STIM2: variants seen among roughly 807,000 people sequenced by gnomAD.
The protein encoded by STIM2 is stromal interaction molecule 2.
STIM2 carries 31 observed loss-of-function variants against 85.8 expected under a neutral mutation model. That is an observed-to-expected ratio of 0.36 (90% confidence interval 0.27 to 0.49). The LOEUF is 0.49. Among genes scored for constraint, STIM2 ranks in the 20% least tolerant of loss-of-function variants. STIM2 has a pLI of 0.98. For synonymous variants in STIM2, 356 were observed against 331.1 expected, an observed-to-expected ratio of 1.08 and a Z score of -0.82; for missense variants, 841 against 927.6, an observed-to-expected ratio of 0.91 and a Z score of 1.21.
chr4:26,905,088 A>G (rs1724075501), intron 1 of STIM2, among the ~76,000 whole-genome samples: 1 of 152,192 alleles, frequency 6.6e-6, no homozygotes, highest in African/African-American at 2.4e-5. Context: ...CTTCACTGTG[A>G]AAAAAGATAG....
At chr4:26,922,884 C>G (rs1216622764) in intron 2 of STIM2, among the ~76,000 whole-genome samples, 1 of 152,152 alleles carries the variant, frequency 6.6e-6, no homozygotes, top group African/African-American at 2.4e-5. Context: ...GTTTTAGGAT[C>G]TCTGTGCCTG....
At position 26,919,497 on chromosome 4, in the gene STIM2, C is replaced by T. The variant is rs545493515; in HGVS notation, c.152-7C>T. 5 of 1,612,982 alleles carry T rather than the reference C, an allele frequency of 3.1e-6. No homozygotes were observed. In the African/African-American group the frequency reaches 5.3e-5, roughly 17 times the overall value. On this transcript the variant is annotated splice_region_variant and splice_polypyrimidine_tract_variant and intron_variant, in intron 1 of 11. Transcript: ENST00000467087. ...CAAGTTAGTAATTGCCCTTTGTTCT[C>T]TTTCAGATCCCTGCATGTCACTGAG... is the stretch of plus-strand genomic sequence containing the variant.
At chr4:26,891,050 C>G (rs1723457662) in intron 1 of STIM2, among the ~76,000 whole-genome samples, 1 of 152,156 alleles carries the variant, frequency 6.6e-6, no homozygotes, top group African/African-American at 2.4e-5. Context: ...GTTGCAAAGC[C>G]TTTTCTTGTT....
chr4:27,003,558 G>C (rs901931703), intron 7 of STIM2, among the ~76,000 whole-genome samples: 2 of 151,992 alleles, frequency 1.3e-5, no homozygotes, highest in Non-Finnish European at 2.9e-5. Flanking sequence ...TGCTTCTCCT[G>C]TTCAGTTACT....
chr4:26,981,947 C>T (rs1220748679), intron 3 of STIM2, among the ~76,000 whole-genome samples: 2 of 147,808 alleles, frequency 1.4e-5, no homozygotes, highest in Non-Finnish European at 1.5e-5. Context: ...GTATTTACCC[C>T]ACACCGAACA....
At chr4:26,937,682 C>A (rs746650245) in intron 2 of STIM2, among the ~76,000 whole-genome samples, 1 of 152,166 alleles carries the variant, frequency 6.6e-6, no homozygotes, top group East Asian at 1.9e-4. Flanking sequence ...ATAATTACAT[C>A]CAGACAAAGG....
At position 26,979,210 on chromosome 4, in the gene STIM2, A is replaced by G. The variant is rs1215838800; in HGVS notation, c.398-16169A>G. Among the ~76,000 whole-genome samples the G allele has an allele frequency of 3.9e-5, 6 of 152,138 alleles. No individual in the cohort carries two copies. In the East Asian group the frequency reaches 1.2e-3, roughly 29 times the overall value. ...GTGAGTTTACCTAGAATCTCCAAAC[A>G]TGTCTGTATTGTTAAAGATGAAACA... On this transcript the variant is annotated intron_variant, in intron 3 of 11. Coordinates refer to ENST00000467087, the MANE Select transcript of STIM2 (RefSeq NM_020860.4).
intron 1 of STIM2, among the ~76,000 whole-genome samples, chr4:26,879,490 A>G (rs766413535): frequency 2.0e-5 from 3 of 152,080 alleles, no homozygotes; most frequent in African/African-American, 4.8e-5. Context: ...CTGGGTGGTG[A>G]GATATTATTA....
chr4:26,995,361 C>A lies in STIM2; in HGVS notation c.398-18C>A. ...GCAGGTGTGTTTAAAATATGCATTC[C>A]CCTTTTATCTCCTGCAGTTCATAAT... is the stretch of plus-strand genomic sequence containing the variant. On this transcript the variant is annotated intron_variant, in intron 3 of 11. Transcript: ENST00000467087. 2 of 1,407,518 alleles carry A rather than the reference C, an allele frequency of 1.4e-6. No individual in the cohort carries two copies. Among genetic ancestry groups the A allele is most frequent in the South Asian group, 1.4e-5 (1 of 73,676 alleles). 87.2% of individuals were successfully genotyped at this position (1,407,518 alleles called of 1,614,324 possible). A position where few individuals can be genotyped will look rare whatever the true frequency, so the allele number is the denominator to read the frequency against.
intron 2 of STIM2, among the ~76,000 whole-genome samples, chr4:26,948,481 G>T (rs1340976684): frequency 6.6e-6 from 1 of 152,176 alleles, no homozygotes; most frequent in Non-Finnish European, 1.5e-5. Context: ...CCTTGTATTT[G>T]ATCAGGCACA....
intron 1 of STIM2, among the ~76,000 whole-genome samples, chr4:26,904,944 G>T (rs1393707684): frequency 6.6e-6 from 1 of 152,098 alleles, no homozygotes; most frequent in Non-Finnish European, 1.5e-5. Flanking sequence ...ATTTATCTGT[G>T]TCAGTGGGCA....
intron 2 of STIM2, among the ~76,000 whole-genome samples, chr4:26,933,733 CAAAAAAAAAAAA>C (rs771503772): frequency 8.4e-5 from 4 of 47,762 alleles, no homozygotes; most frequent in East Asian, 6.3e-4. Flanking sequence ...GACCTGATCT[CAAAAAAAAAAAA>C]AAAAAAAAAA....
intron 2 of STIM2, among the ~76,000 whole-genome samples, chr4:26,920,888 ATTCTTC>A (rs1027675756): frequency 6.6e-6 from 1 of 152,140 alleles, no homozygotes; most frequent in East Asian, 1.9e-4. Flanking sequence ...CTATTTCTCG[ATTCTTC>A]TTCTTCTAAA....
At chr4:26,965,336 C>T (rs1424208706) in intron 3 of STIM2, among the ~76,000 whole-genome samples, 4 of 152,110 alleles carry the variant, frequency 2.6e-5, no homozygotes, top group Non-Finnish European at 5.9e-5. Flanking sequence ...GGGAGTTTAA[C>T]ATGGGTTTGC....
chr4:26,964,713 A>G (rs1015481613), intron 3 of STIM2, among the ~76,000 whole-genome samples: 1 of 152,166 alleles, frequency 6.6e-6, no homozygotes, highest in African/African-American at 2.4e-5. Context: ...TAGGTACAAA[A>G]GATACACAGA....
At chr4:27,020,217 A>G (rs1175611492) in intron 11 of STIM2, among the ~76,000 whole-genome samples, 1 of 152,244 alleles carries the variant, frequency 6.6e-6, no homozygotes, top group African/African-American at 2.4e-5. Context: ...TTCACACACA[A>G]TGCAGCAAAG....
chr4:26,988,665 A>C (rs1727663749), intron 3 of STIM2, among the ~76,000 whole-genome samples: 1 of 152,214 alleles, frequency 6.6e-6, no homozygotes, highest in Admixed American at 6.5e-5. Flanking sequence ...TCGACTCCAT[A>C]CACTTTTAGA....
At chr4:26,991,883 C>A (rs1233621615) in intron 3 of STIM2, among the ~76,000 whole-genome samples, 1 of 151,974 alleles carries the variant, frequency 6.6e-6, no homozygotes, top group Non-Finnish European at 1.5e-5. Context: ...GCCACAACTT[C>A]AAGCAGAAAC....
Position 26,964,350 on chromosome 4 carries a change from A to G in STIM2, c.397+6624A>G, listed in dbSNP as rs545969252. ...CAATATTTACTGTGTGGGAGGTGAT[A>G]GTGTATTTTAGCATTTTATCATCAT... On this transcript the variant is annotated intron_variant, in intron 3 of 11. Coordinates refer to ENST00000467087, the MANE Select transcript of STIM2 (RefSeq NM_020860.4). Among the ~76,000 whole-genome samples, 5 of 152,316 alleles carry G rather than the reference A, an allele frequency of 3.3e-5. No homozygotes were observed. In the East Asian group the frequency reaches 9.6e-4, roughly 29 times the overall value.
Sources: allele counts gnomAD v4.1 joint callset (sites outside exome capture counted in the v4.1 genomes callset), GRCh38; gene constraint gnomAD v4.1.1; transcripts MANE v1.5; gene names NCBI Gene and HGNC (gene_info 2026-07-23, HGNC 2026-07-21).